The following RETREG1 variants were observed in gnomAD, a reference collection of about 807,000 sequenced individuals.
RETREG1 encodes family with sequence similarity 134 member B.
RETREG1 carries 44 observed loss-of-function variants against 54.8 expected under a neutral mutation model. The ratio of observed to expected loss-of-function variants is 0.80; its 90% CI spans 0.63 to 1.03. RETREG1 has a LOEUF of 1.03. Ranked by LOEUF, RETREG1 falls within the 50% of genes least tolerant of loss-of-function variation. RETREG1 has a pLI of 0.00. For synonymous variants in RETREG1, 217 were observed against 238.5 expected, an observed-to-expected ratio of 0.91 and a Z score of 0.83; for missense variants, 554 against 605.1, an observed-to-expected ratio of 0.92 and a Z score of 0.89.
intron 3 of RETREG1, among the ~76,000 whole-genome samples, chr5:16,530,536 GTGCTTGGC>G (rs1431363120): frequency 6.6e-6 from 1 of 152,202 alleles, no homozygotes; most frequent in Non-Finnish European, 1.5e-5. Flanking sequence ...ACTGAGACCA[GTGCTTGGC>G]ATGCTGACCA....
intron 1 of RETREG1, among the ~76,000 whole-genome samples, chr5:16,583,656 T>A (rs1398381932): frequency 6.6e-6 from 1 of 152,152 alleles, no homozygotes; most frequent in Non-Finnish European, 1.5e-5. Context: ...GAAAAATAGT[T>A]CATACACACG....
intron 1 of RETREG1, among the ~76,000 whole-genome samples, chr5:16,573,506 GTT>G (rs1057424726): frequency 6.6e-6 from 1 of 152,166 alleles, no homozygotes; most frequent in African/African-American, 2.4e-5. Context: ...GTTTAAGACT[GTT>G]TGCAAGGCTA....
intron 3 of RETREG1, among the ~76,000 whole-genome samples, chr5:16,488,453 G>C (rs183014827): frequency 6.6e-6 from 1 of 152,272 alleles, no homozygotes; most frequent in East Asian, 1.9e-4. Context: ...GTCCAAAAAG[G>C]AGATCCAAGG....
chr5:16,608,174 C>G (rs1366017085), intron 1 of RETREG1, among the ~76,000 whole-genome samples: 1 of 152,150 alleles, frequency 6.6e-6, no homozygotes, highest in African/African-American at 2.4e-5. Context: ...GCCACCGTGC[C>G]CGGCCCACTC....
At chr5:16,521,643 T>C (rs746252096) in intron 3 of RETREG1, among the ~76,000 whole-genome samples, 2 of 152,138 alleles carry the variant, frequency 1.3e-5, no homozygotes, top group Non-Finnish European at 2.9e-5. Flanking sequence ...ATCAACAAGG[T>C]TGGCCCTCAG....
At chr5:16,544,758 C>G (rs1741343603) in intron 3 of RETREG1, among the ~76,000 whole-genome samples, 1 of 152,186 alleles carries the variant, frequency 6.6e-6, no homozygotes, top group Admixed American at 6.5e-5. Flanking sequence ...TCTGGACTCT[C>G]TGCTTTGTTC....
intron 3 of RETREG1, among the ~76,000 whole-genome samples, chr5:16,516,483 A>G (rs1740360690): frequency 6.6e-6 from 1 of 152,254 alleles, no homozygotes; most frequent in African/African-American, 2.4e-5. Context: ...CCTGAGTCCC[A>G]GTTGAAATTC....
intron 3 of RETREG1, among the ~76,000 whole-genome samples, chr5:16,500,775 G>A (rs547195294): frequency 1.4e-4 from 22 of 152,206 alleles, no homozygotes; most frequent in East Asian, 9.7e-4. Flanking sequence ...GTTCACGCGC[G>A]TTAAAGCAAT....
At chr5:16,566,864 A>C (rs1435933313) in intron 2 of RETREG1, among the ~76,000 whole-genome samples, 1 of 152,240 alleles carries the variant, frequency 6.6e-6, no homozygotes, top group Non-Finnish European at 1.5e-5. Flanking sequence ...ATATAAAAAC[A>C]AATGGAGAAC....
In RETREG1 at chr5:16,474,815, G is replaced by A. The variant is rs749875801; in HGVS notation, c.1420C>T (p.Gln474Ter). Residue 474 changes from glutamine to a stop codon, truncating the protein, a stop_gained, in exon 9 of 9, where the codon CAA becomes TAA. Coordinates refer to ENST00000306320, the MANE Select transcript of RETREG1 (RefSeq NM_001034850.3). LOFTEE classifies it high-confidence loss of function. ...TGCTGTGCTTCTGCTTCCTGGTCTT[G>A]TGTAAGTCCCAATTCACTCTCAATT... The part of the protein sequence containing the change: ...DQIESELGLT[Q>*]DQEAEAQQNK... 5 of 1,613,612 alleles carry A rather than the reference G, an allele frequency of 3.1e-6. No homozygotes were observed. The African/African-American group carries it at 6.7e-5, about 22-fold the overall frequency.
intron 3 of RETREG1, among the ~76,000 whole-genome samples, chr5:16,558,290 C>A (rs1008316477): frequency 2.0e-5 from 3 of 151,896 alleles, no homozygotes; most frequent in South Asian, 4.2e-4. Flanking sequence ...AACAACAAAG[C>A]GAGTTTGGCC....
intron 3 of RETREG1, 30 bp downstream of exon 3, chr5:16,565,733 T>C (rs552427755): frequency 6.2e-7 from 1 of 1,613,716 alleles, no homozygotes; most frequent in East Asian, 2.2e-5. Flanking sequence ...CTCCCTCCAT[T>C]AAGCACAACA....
chr5:16,601,065 T>G (rs1743038956), intron 1 of RETREG1, among the ~76,000 whole-genome samples: 1 of 152,084 alleles, frequency 6.6e-6, no homozygotes, highest in Admixed American at 6.5e-5. Context: ...CAGTAAGATC[T>G]CCAGAAAAAG....
At chr5:16,604,074 A>C (rs1743120898) in intron 1 of RETREG1, among the ~76,000 whole-genome samples, 1 of 152,238 alleles carries the variant, frequency 6.6e-6, no homozygotes, top group African/African-American at 2.4e-5. Flanking sequence ...TTTCCTGTAA[A>C]GCAGATGGAG....
intron 3 of RETREG1, among the ~76,000 whole-genome samples, chr5:16,525,953 T>C (rs1740704684): frequency 1.3e-5 from 2 of 152,306 alleles, no homozygotes; most frequent in Non-Finnish European, 2.9e-5. Context: ...GGGTCCTTGC[T>C]CTTAAGGCCT....
chr5:16,612,809 T>C (rs1743386611), intron 1 of RETREG1, among the ~76,000 whole-genome samples: 2 of 152,230 alleles, frequency 1.3e-5, no homozygotes, highest in African/African-American at 4.8e-5. Context: ...TGTGTGTGTG[T>C]GCCTGCACGT....
intron 3 of RETREG1, among the ~76,000 whole-genome samples, chr5:16,512,509 A>T (rs933872897): frequency 6.6e-6 from 1 of 151,858 alleles, no homozygotes; most frequent in Non-Finnish European, 1.5e-5. Context: ...GCCCTAGAAA[A>T]CCATTGCCAC....
At position 16,475,209 on chromosome 5, in the gene RETREG1, A is replaced by G. The variant is rs765642043; in HGVS notation, c.1026T>C (p.Val342=). ...GAAAATCTGAAAGATCTCTAGAGAAAACTTCCTCACTGGGTCGGTCAAGAT... is the reference window on the plus strand; with the variant it reads ...GAAAATCTGAAAGATCTCTAGAGAAGACTTCCTCACTGGGTCGGTCAAGAT... ...SDDLDRPSEE[V]FSRDLSDFPS... is the part of the protein sequence containing the mutation. The change falls in exon 9 of 9, where the codon GTT becomes GTC. Residue 342 remains valine (V), a synonymous_variant. Transcript: ENST00000306320. The G allele has an allele frequency of 1.2e-5, 19 of 1,613,308 alleles. No homozygotes were observed. The highest frequency in any genetic ancestry group is 2.2e-5 in the South Asian group (2 of 91,078).
At chr5:16,550,747 G>C (rs1210362461) in intron 3 of RETREG1, among the ~76,000 whole-genome samples, 2 of 152,192 alleles carry the variant, frequency 1.3e-5, no homozygotes, top group South Asian at 2.1e-4. Context: ...TGATGACAAA[G>C]CAAAATGTGG....
Sources: gnomAD v4.1 joint callset for allele counts (sites outside exome capture counted in the v4.1 genomes callset) on GRCh38, gnomAD v4.1.1 for gene constraint, MANE v1.5 for transcripts, NCBI Gene and HGNC (gene_info 2026-07-23, HGNC 2026-07-21) for gene names.